The following COX7B2 variants were observed in gnomAD, a reference collection of about 807,000 sequenced individuals.
COX7B2 encodes the protein cytochrome c oxidase subunit 7B2.
For synonymous variants in COX7B2, 37 were observed against 32.1 expected (o/e 1.15, Z -0.51); for missense variants, 109 against 95.9 (o/e 1.14, Z -0.57).
chr4:46,881,858 C>T (rs953692189), intron 1 of COX7B2, among the ~76,000 whole-genome samples: 1 of 151,842 alleles, frequency 6.6e-6, no homozygotes, highest in Non-Finnish European at 1.5e-5. Context: ...TTTTTCTTGA[C>T]TCTCCTCTAA....
intron 2 of COX7B2, among the ~76,000 whole-genome samples, chr4:46,794,588 T>C (rs1478872129): frequency 2.0e-5 from 3 of 152,088 alleles, no homozygotes; most frequent in Admixed American, 2.0e-4. Context: ...TGCTCTTCTC[T>C]CGTCTGTAGT....
chr4:46,904,765 G>T (rs1381932743), intron 1 of COX7B2, among the ~76,000 whole-genome samples: 2 of 151,960 alleles, frequency 1.3e-5, no homozygotes, highest in Admixed American at 6.6e-5. Context: ...CATGCAACGA[G>T]GAAAAGTTTT....
At chr4:46,761,504 T>C (rs1003657334) in intron 2 of COX7B2, among the ~76,000 whole-genome samples, 2 of 152,198 alleles carry the variant, frequency 1.3e-5, no homozygotes, top group African/African-American at 2.4e-5. Flanking sequence ...GTGAAAGAGC[T>C]GAACTGTTCC....
intron 2 of COX7B2, among the ~76,000 whole-genome samples, chr4:46,757,464 A>C (rs2109458213): frequency 6.6e-6 from 1 of 152,170 alleles, no homozygotes; most frequent in African/African-American, 2.4e-5. Flanking sequence ...TTACTACAAT[A>C]AGTTATTTTT....
intron 2 of COX7B2, among the ~76,000 whole-genome samples, chr4:46,750,011 A>G (rs1715255733): frequency 6.6e-6 from 1 of 152,162 alleles, no homozygotes; most frequent in South Asian, 2.1e-4. Flanking sequence ...TAAGGACTTC[A>G]CTGGGTGTAC....
rs532391932 is a variant in COX7B2 at position 46,793,240 on chromosome 4, C to A, written c.-50+51720G>T. Among the ~76,000 whole-genome samples, 3 of 149,992 alleles carry A rather than the reference C, an allele frequency of 2.0e-5. No homozygotes were observed. The Admixed American group carries it at 2.0e-4, about 10-fold the overall frequency. On this transcript the variant is annotated intron_variant, in intron 2 of 2. Coordinates refer to ENST00000355591, the MANE Select transcript of COX7B2 (RefSeq NM_130902.3). ...GGGTGGAAGGGAGTTCACCTTGGGGCAGGCATCTTTCCAGCCAGAGGGGGG... is the reference window on the plus strand; with the variant it reads ...GGGTGGAAGGGAGTTCACCTTGGGGAAGGCATCTTTCCAGCCAGAGGGGGG...
At chr4:46,867,567 G>A (rs977465989) in intron 1 of COX7B2, among the ~76,000 whole-genome samples, 3 of 152,162 alleles carry the variant, frequency 2.0e-5, no homozygotes, top group African/African-American at 7.2e-5. Flanking sequence ...GTAATTAATA[G>A]TGGATCTAAA....
chr4:46,770,188 C>A (rs998895191), intron 2 of COX7B2, among the ~76,000 whole-genome samples: 4 of 152,058 alleles, frequency 2.6e-5, no homozygotes, highest in Non-Finnish European at 5.9e-5. Context: ...AGTTGTGTTT[C>A]TATACACTAA....
At chr4:46,760,619 GATGGGTGCAGCAATCCACCATGGC>G (rs1716090748) in intron 2 of COX7B2, among the ~76,000 whole-genome samples, 3 of 152,076 alleles carry the variant, frequency 2.0e-5, no homozygotes, top group Admixed American at 2.0e-4. Flanking sequence ...ATGATGGGTT[GATGGGTGCAGCAATCCACCATGGC>G]ATGTGTATAC....
chr4:46,908,147 AG>A (rs1720521846), intron 1 of COX7B2, among the ~76,000 whole-genome samples: 1 of 151,830 alleles, frequency 6.6e-6, no homozygotes, highest in Non-Finnish European at 1.5e-5. Flanking sequence ...CACTGCACCC[AG>A]CCAGAATTTG....
chr4:46,800,606 A>C (rs1354305876), intron 2 of COX7B2, among the ~76,000 whole-genome samples: 1 of 152,246 alleles, frequency 6.6e-6, no homozygotes, highest in African/African-American at 2.4e-5. Flanking sequence ...AATCAATTCA[A>C]GATGAATTAA....
intron 1 of COX7B2, among the ~76,000 whole-genome samples, chr4:46,859,026 TA>T (rs1173987300): frequency 6.6e-6 from 1 of 152,166 alleles, no homozygotes; most frequent in East Asian, 1.9e-4. Flanking sequence ...ACTTACGATG[TA>T]AAAAATACTC....
At chr4:46,774,557 T>C (rs896705662) in intron 2 of COX7B2, among the ~76,000 whole-genome samples, 5 of 152,146 alleles carry the variant, frequency 3.3e-5, no homozygotes, top group South Asian at 2.1e-4. Context: ...GACTGTTGTG[T>C]ATTCCCCCTA....
intron 2 of COX7B2, among the ~76,000 whole-genome samples, chr4:46,834,646 T>C (rs1275810885): frequency 2.6e-5 from 4 of 152,172 alleles, no homozygotes; most frequent in Non-Finnish European, 4.4e-5. Context: ...CACTTTCTTC[T>C]TCACTTGATT....
intron 2 of COX7B2, among the ~76,000 whole-genome samples, chr4:46,810,575 T>C (rs754295266): frequency 1.3e-5 from 2 of 152,114 alleles, no homozygotes; most frequent in Non-Finnish European, 2.9e-5. Flanking sequence ...TGTCACAATT[T>C]ACATCTTTTT....
chr4:46,890,557 T>C lies in COX7B2; in HGVS notation c.-105+18603A>G, dbSNP rs76979883. 1.0e-3 allele frequency among the ~76,000 whole-genome samples: 154 copies of C among 152,284 alleles called. 1 individual carries two copies. The highest frequency in any genetic ancestry group is 3.5e-3 in the African/African-American group (144 of 41,554). On this transcript the variant is annotated intron_variant, in intron 1 of 2. Transcript: ENST00000355591. ...ATCAGGATGTAGGCAACAAAAATAT[T>C]AAGAAAAATTGAGAAAGGATGCTAC... is the stretch of plus-strand genomic sequence containing the variant.
chr4:46,908,324 T>C (rs1720531647), intron 1 of COX7B2, among the ~76,000 whole-genome samples: 1 of 152,160 alleles, frequency 6.6e-6, no homozygotes, highest in Admixed American at 6.5e-5. Context: ...CCTCTACAGA[T>C]TTCAAAGCCA....
At chr4:46,756,879 A>G (rs568507715) in intron 2 of COX7B2, among the ~76,000 whole-genome samples, 1 of 152,238 alleles carries the variant, frequency 6.6e-6, no homozygotes, top group Admixed American at 6.6e-5. Flanking sequence ...CAAACTAGGT[A>G]TTTCTCAATG....
At chr4:46,750,988 C>T (rs551464733) in intron 2 of COX7B2, among the ~76,000 whole-genome samples, 2 of 152,228 alleles carry the variant, frequency 1.3e-5, no homozygotes, top group East Asian at 3.9e-4. Flanking sequence ...TTGGGGAGGA[C>T]ACAAACAGTC....
Sources: gnomAD v4.1 joint callset for allele counts (sites outside exome capture counted in the v4.1 genomes callset) on GRCh38, gnomAD v4.1.1 for gene constraint, MANE v1.5 for transcripts, NCBI Gene and HGNC (gene_info 2026-07-23, HGNC 2026-07-21) for gene names.